Variants in SPP2 observed in about 807,000 individuals in gnomAD.
SPP2 encodes secreted phosphoprotein 2.
Under a neutral mutation model 28.8 loss-of-function variants are expected in SPP2, and 34 were observed. The observed-to-expected ratio is 1.18, with a 90% CI of 0.90 to 1.57. The LOEUF (loss-of-function observed/expected upper bound fraction) is 1.57. Ranked by LOEUF, SPP2 falls within the 40% of genes most tolerant of loss-of-function variation. SPP2 has a pLI of 0.00. For synonymous variants in SPP2, 96 were observed against 89.4 expected, an observed-to-expected ratio of 1.07 and a Z score of -0.42; for missense variants, 269 against 263.9, an observed-to-expected ratio of 1.02 and a Z score of -0.13.
rs1693732551 is a variant in SPP2, at chr2:234,062,200, G to A, written c.444+1721G>A. 2.6e-5 allele frequency among the ~76,000 whole-genome samples: 4 copies of A among 152,200 alleles called. No individual in the cohort carries two copies. The East Asian group carries it at 7.7e-4, about 29-fold the overall frequency. On this transcript the variant is annotated intron_variant, in intron 4 of 7. Transcript: ENST00000168148. ...TAAGCAGGAATTACCCTATCAGGCA[G>A]GCACTGGGGGCCACATAGTGAGAGG...
intron 7 of SPP2, among the ~76,000 whole-genome samples, chr2:234,071,695 A>G (rs372428945): frequency 2.0e-5 from 3 of 152,186 alleles, no homozygotes; most frequent in East Asian, 1.9e-4. Flanking sequence ...GTAGCTCACA[A>G]TGGCTTTCAT....
intron 4 of SPP2, among the ~76,000 whole-genome samples, chr2:234,062,455 C>T (rs1693739559): frequency 1.3e-5 from 2 of 152,072 alleles, no homozygotes; most frequent in South Asian, 2.1e-4. Context: ...GAGAGAGGCA[C>T]AAGGTGGAGC....
chr2:234,070,804 T>C lies in SPP2; in HGVS notation c.*10+781T>C, dbSNP rs1028744351. ...CTGGTGAGCATTCGTATGATCTCCT[T>C]AGTTTAATTCTTTCCCTATGCTGTA... On this transcript the variant is annotated intron_variant, in intron 7 of 7. Transcript: ENST00000168148. Among the ~76,000 whole-genome samples the C allele has an allele frequency of 1.2e-4, 18 of 152,302 alleles. 1 individual carries two copies. The highest frequency in any genetic ancestry group is 6.8e-3 in the Middle Eastern group (2 of 294).
intron 6 of SPP2, among the ~76,000 whole-genome samples, chr2:234,068,284 T>C (rs1224915273): frequency 2.6e-5 from 4 of 152,236 alleles, no homozygotes; most frequent in Non-Finnish European, 5.9e-5. Context: ...GGTAGCACTA[T>C]GTTCTTTCCC....
intron 4 of SPP2, among the ~76,000 whole-genome samples, chr2:234,064,929 G>T (rs1693788585): frequency 6.6e-6 from 1 of 152,170 alleles, no homozygotes; most frequent in African/African-American, 2.4e-5. Flanking sequence ...AGCCACATTT[G>T]ATTGATCCAT....
intron 7 of SPP2, 112 bp downstream of exon 7, chr2:234,070,135 T>C (rs189625007): frequency 1.1e-4 from 87 of 807,318 alleles, no homozygotes; most frequent in Non-Finnish European, 1.3e-4. Context: ...AAATCCTTGC[T>C]TTTCGGCTTC....
chr2:234,053,977 C>T (rs947211460), intron 2 of SPP2, among the ~76,000 whole-genome samples: 2 of 152,130 alleles, frequency 1.3e-5, no homozygotes, highest in Non-Finnish European at 2.9e-5. Flanking sequence ...GTTAAATAAA[C>T]CAAATTCATT....
chr2:234,076,495 A>G (rs1690898942), intron 7 of SPP2, among the ~76,000 whole-genome samples: 2 of 152,100 alleles, frequency 1.3e-5, no homozygotes, highest in South Asian at 4.1e-4. Flanking sequence ...TTTGAGGTCA[A>G]AACTATGCCT....
intron 4 of SPP2, among the ~76,000 whole-genome samples, chr2:234,061,645 A>G (rs1001736435): frequency 7.2e-5 from 11 of 152,226 alleles, no homozygotes; most frequent in Non-Finnish European, 1.5e-4. Flanking sequence ...TTTCCCATAT[A>G]ATTAATATAC....
chr2:234,052,157 C>G (rs878917634), intron 2 of SPP2, among the ~76,000 whole-genome samples: 1 of 151,918 alleles, frequency 6.6e-6, no homozygotes, highest in African/African-American at 2.4e-5. Context: ...TTTTTAGGTG[C>G]CATTCCAGAA....
chr2:234,059,289 G>T (rs1214761299), intron 3 of SPP2, among the ~76,000 whole-genome samples: 1 of 152,084 alleles, frequency 6.6e-6, no homozygotes, highest in Non-Finnish European at 1.5e-5. Context: ...TCTTACAAAG[G>T]ATTATGAAAC....
intron 2 of SPP2, 32 bp from the exon 3 acceptor site, chr2:234,058,804 T>G (rs765798671): frequency 1.7e-5 from 27 of 1,600,306 alleles, no homozygotes; most frequent in Non-Finnish European, 2.0e-5. Flanking sequence ...AGAAATGCAT[T>G]GATCACACTC....
At chr2:234,069,179 A>ACTCT (rs1693884869) in intron 6 of SPP2, among the ~76,000 whole-genome samples, 1 of 140,404 alleles carries the variant, frequency 7.1e-6, no homozygotes, top group African/African-American at 2.7e-5. Context: ...CCCAGAGATG[A>ACTCT]TTATTTGAGA....
At chr2:234,069,302 T>C (rs977664535) in intron 6 of SPP2, among the ~76,000 whole-genome samples, 1 of 152,120 alleles carries the variant, frequency 6.6e-6, no homozygotes, top group Admixed American at 6.5e-5. Flanking sequence ...CTGCATAATC[T>C]ATTATTAAAT....
chr2:234,054,650 G>T (rs1368113734), intron 2 of SPP2, among the ~76,000 whole-genome samples: 2 of 152,148 alleles, frequency 1.3e-5, no homozygotes, highest in Admixed American at 1.3e-4. Context: ...GCTCTACCTT[G>T]AAGACCTAAT....
At chr2:234,056,797 T>C (rs1693617111) in intron 2 of SPP2, among the ~76,000 whole-genome samples, 1 of 152,056 alleles carries the variant, frequency 6.6e-6, no homozygotes, top group Non-Finnish European at 1.5e-5. Flanking sequence ...GAGGTTGAGT[T>C]TTTATTTCTA....
chr2:234,071,082 C>T (rs1690769551), intron 7 of SPP2, among the ~76,000 whole-genome samples: 1 of 152,150 alleles, frequency 6.6e-6, no homozygotes, highest in African/African-American at 2.4e-5. Flanking sequence ...GCATCACTGA[C>T]TCCCCTTCAT....
Position 234,067,500 on chromosome 2 carries a change from G to A in SPP2, c.550+226G>A, listed in dbSNP as rs551885286. On this transcript the variant is annotated intron_variant, in intron 6 of 7. Transcript: ENST00000168148. Reference sequence around the variant, plus strand: ...CTGACTTAAAAGTTACCAAGAGGCCGGGCGCGGTGGCTCACGCCTGTAATC... The same window carrying A: ...CTGACTTAAAAGTTACCAAGAGGCCAGGCGCGGTGGCTCACGCCTGTAATC... 3.6e-4 allele frequency among the ~76,000 whole-genome samples: 55 copies of A among 152,254 alleles called. 2 individuals are homozygous for A. The highest frequency in any genetic ancestry group is 4.1e-4 in the Non-Finnish European group (28 of 68,012).
intron 2 of SPP2, 122 bp downstream of exon 2, chr2:234,051,217 T>C: frequency 7.8e-7 from 1 of 1,275,878 alleles, no homozygotes; most frequent in Non-Finnish European, 1.1e-6. Flanking sequence ...TAGTCATCTC[T>C]TTCATACTGT....
Sources: gnomAD v4.1 joint callset for allele counts (sites outside exome capture counted in the v4.1 genomes callset) on GRCh38, gnomAD v4.1.1 for gene constraint, MANE v1.5 for transcripts, NCBI Gene and HGNC (gene_info 2026-07-23, HGNC 2026-07-21) for gene names.